The following SPIRE1 variants were observed in gnomAD, a reference collection of about 807,000 sequenced individuals.
The protein encoded by SPIRE1 is spire type actin nucleation factor 1.
A neutral mutation model predicts 94.1 loss-of-function variants in SPIRE1; 40 were observed. The ratio of observed to expected loss-of-function variants is 0.43; its 90% CI spans 0.33 to 0.55. The LOEUF (loss-of-function observed/expected upper bound fraction) is 0.55, where lower values mean the gene tolerates loss of function less well. Among genes scored for constraint, SPIRE1 ranks in the 20% least tolerant of loss-of-function variants. The pLI, the probability that SPIRE1 is intolerant of heterozygous loss-of-function variation, is 0.06. For missense variants in SPIRE1, 838 were observed against 975.2 expected (o/e 0.86, Z 1.87); for synonymous variants, 376 against 371.7 (o/e 1.01, Z -0.13).
chr18:12,525,276 C>CAAAAAAAAAAAA (rs1170791088), intron 4 of SPIRE1, among the ~76,000 whole-genome samples: 5 of 71,484 alleles, frequency 7.0e-5, no homozygotes, highest in Non-Finnish European at 1.3e-4. Flanking sequence ...GACTCCGTCT[C>CAAAAAAAAAAAA]AAAAAAAAAA....
At chr18:12,656,186 A>G (rs1279795594) in intron 1 of SPIRE1, among the ~76,000 whole-genome samples, 1 of 152,216 alleles carries the variant, frequency 6.6e-6, no homozygotes, top group African/African-American at 2.4e-5. Flanking sequence ...GGCTTGAGCC[A>G]CCGCACCTGG....
chr18:12,638,092 A>G (rs909356724), intron 1 of SPIRE1, among the ~76,000 whole-genome samples: 1 of 152,154 alleles, frequency 6.6e-6, no homozygotes, highest in African/African-American at 2.4e-5. Flanking sequence ...TCCCAATCAC[A>G]TGACATCAGA....
chr18:12,598,036 A>G (rs1489714426), intron 2 of SPIRE1, among the ~76,000 whole-genome samples: 1 of 152,232 alleles, frequency 6.6e-6, no homozygotes, highest in Non-Finnish European at 1.5e-5. Flanking sequence ...ACAAGAGACT[A>G]GCTTGAGTCA....
rs547699608 is a variant in SPIRE1, at chr18:12,572,486, C to T, written c.373-25582G>A. 7.9e-5 allele frequency among the ~76,000 whole-genome samples: 12 copies of T among 152,176 alleles called. No homozygotes were observed. The South Asian group carries it at 2.5e-3, about 32-fold the overall frequency. ...AATTACCCAGGCATGGTGGCATGCA[C>T]CTGTGGTCCCAGCTATTTGGGAGGC... On this transcript the variant is annotated intron_variant, in intron 2 of 16. Coordinates refer to ENST00000409402, the MANE Select transcript of SPIRE1 (RefSeq NM_001128626.2).
At chr18:12,476,298 G>C (rs2032573248) in intron 10 of SPIRE1, among the ~76,000 whole-genome samples, 3 of 152,048 alleles carry the variant, frequency 2.0e-5, no homozygotes, top group Non-Finnish European at 2.9e-5. Flanking sequence ...CAGCTCTTTG[G>C]GAGGCTGAGG....
intron 2 of SPIRE1, among the ~76,000 whole-genome samples, chr18:12,570,749 C>T (rs2035941772): frequency 1.3e-5 from 2 of 152,206 alleles, no homozygotes; most frequent in Admixed American, 6.5e-5. Context: ...ATCTCCTACT[C>T]TGCCATGCTT....
chr18:12,625,028 G>A (rs1272804908), intron 2 of SPIRE1, among the ~76,000 whole-genome samples: 1 of 149,220 alleles, frequency 6.7e-6, no homozygotes, highest in Non-Finnish European at 1.5e-5. Context: ...AACCCAGAAA[G>A]GTCATTTTAG....
At chr18:12,627,350 T>C (rs1302217674) in intron 2 of SPIRE1, among the ~76,000 whole-genome samples, 1 of 152,136 alleles carries the variant, frequency 6.6e-6, no homozygotes, top group Non-Finnish European at 1.5e-5. Context: ...CTCAAAATGA[T>C]GGTTTCCAGC....
At chr18:12,581,861 A>T (rs918151733) in intron 2 of SPIRE1, among the ~76,000 whole-genome samples, 8 of 99,520 alleles carry the variant, frequency 8.0e-5, no homozygotes, top group African/African-American at 3.8e-4. Context: ...GAGACTGTTT[A>T]AAAAAAAAAA....
intron 6 of SPIRE1, among the ~76,000 whole-genome samples, chr18:12,499,624 A>C (rs895240213): frequency 1.3e-5 from 2 of 152,210 alleles, no homozygotes; most frequent in Non-Finnish European, 2.9e-5. Context: ...TAAGAGCTAA[A>C]ACTATTTATA....
chr18:12,459,793 A>G, intron 12 of SPIRE1: 1 of 985,924 alleles, frequency 1.0e-6, no homozygotes, highest in Non-Finnish European at 1.2e-6. Context: ...GCTCTCTCAC[A>G]CAGATAATAC....
rs114623099 is a variant in SPIRE1 at position 12,515,909 on chromosome 18, C to T, written c.730-3378G>A. 2.0e-3 allele frequency among the ~76,000 whole-genome samples: 306 copies of T among 152,266 alleles called. 2 individuals carry two copies. The highest frequency in any genetic ancestry group is 6.7e-3 in the African/African-American group (277 of 41,550). ...CAACATTTCCCTCTGCTCAATCCTGCTTTCCTTATTCCTTATAGGTGTTCC... is the reference window on the plus strand; with the variant it reads ...CAACATTTCCCTCTGCTCAATCCTGTTTTCCTTATTCCTTATAGGTGTTCC... On this transcript the variant is annotated intron_variant, in intron 4 of 16. Transcript: ENST00000409402.
At chr18:12,528,692 C>G (rs924995487) in intron 4 of SPIRE1, among the ~76,000 whole-genome samples, 1 of 152,136 alleles carries the variant, frequency 6.6e-6, no homozygotes, top group Non-Finnish European at 1.5e-5. Context: ...AGGGAAGTAA[C>G]ATTAGAGGGT....
At chr18:12,634,283 T>TAAA (rs2037864434) in intron 2 of SPIRE1, among the ~76,000 whole-genome samples, 2 of 150,708 alleles carry the variant, frequency 1.3e-5, no homozygotes, top group African/African-American at 4.9e-5. Context: ...ATAATAATAA[T>TAAA]AATAAACCTA....
intron 2 of SPIRE1, among the ~76,000 whole-genome samples, chr18:12,578,589 A>G (rs913460146): frequency 5.9e-5 from 9 of 152,236 alleles, no homozygotes; most frequent in African/African-American, 1.7e-4. Context: ...GCATTTTATT[A>G]TATTTAAATT....
intron 4 of SPIRE1, among the ~76,000 whole-genome samples, chr18:12,514,104 G>A (rs965720659): frequency 1.3e-5 from 2 of 152,074 alleles, no homozygotes; most frequent in African/African-American, 4.8e-5. Context: ...CCTCCCAAAC[G>A]GCTGGGATTA....
intron 2 of SPIRE1, among the ~76,000 whole-genome samples, chr18:12,611,781 A>G (rs899392043): frequency 1.3e-5 from 2 of 151,814 alleles, no homozygotes; most frequent in African/African-American, 4.8e-5. Flanking sequence ...TTCCTGCCTC[A>G]GCCCCTGGAG....
upstream of SPIRE1, chr18:12,658,302 G>C (rs759042838): frequency 6.8e-6 from 3 of 440,472 alleles, no homozygotes; most frequent in East Asian, 8.0e-5. Context: ...ACGCCCGGTC[G>C]GGGGGCCCGG....
chr18:12,458,288 T>A (rs1442859977), intron 12 of SPIRE1, among the ~76,000 whole-genome samples: 1 of 151,968 alleles, frequency 6.6e-6, no homozygotes, highest in African/African-American at 2.4e-5. Context: ...ACAGCAACTA[T>A]TAAGTTTACT....
Sources: gnomAD v4.1 joint callset for allele counts (sites outside exome capture counted in the v4.1 genomes callset) on GRCh38, gnomAD v4.1.1 for gene constraint, MANE v1.5 for transcripts, NCBI Gene and HGNC (gene_info 2026-07-23, HGNC 2026-07-21) for gene names.